The following PAPPA variants were observed in gnomAD, a reference collection of about 807,000 sequenced individuals.
The protein encoded by PAPPA is pappalysin 1.
Under a neutral mutation model 164.0 loss-of-function variants are expected in PAPPA, and 60 were observed. That is an observed-to-expected ratio of 0.37 (90% CI 0.30 to 0.45). The LOEUF is 0.45. Ranked by LOEUF, PAPPA falls within the 20% of genes least tolerant of loss-of-function variation. PAPPA has a pLI of 1.00. For missense variants in PAPPA, 1,782 were observed against 2,087.3 expected (o/e 0.85, Z 2.85); for synonymous variants, 875 against 814.1 (o/e 1.07, Z -1.27).
chr9:116,153,998 G>A lies in PAPPA; in HGVS notation c.-175G>A. 1.4e-6 allele frequency: 1 copy of A among 733,376 alleles called. No homozygotes were observed. The highest frequency in any genetic ancestry group is 3.3e-5 in the South Asian group (1 of 30,218). The allele number at this position is 733,376 out of a possible 1,614,324, so 45.4% of individuals were successfully genotyped here. On this transcript the variant is annotated 5_prime_UTR_variant, in exon 1 of 22. In the 5' UTR this introduces an upstream ATG that the reference lacks. Coordinates refer to ENST00000328252, the MANE Select transcript of PAPPA (RefSeq NM_002581.5). ...GCTGTATTTTTCAAAGGTGGGGAGA[G>A]TGGAGCACACACCTTGAGGAGGAAA...
Position 116,396,830 on chromosome 9 carries a change from A to G in PAPPA, c.*214A>G, listed in dbSNP as rs2118740708. 1.7e-6 allele frequency: 1 copy of G among 579,952 alleles called. No homozygotes were observed. Among genetic ancestry groups the G allele is most frequent in the Non-Finnish European group, 3.1e-6 (1 of 323,908 alleles). The allele number at this position is 579,952 out of a possible 1,614,324, so 35.9% of individuals were successfully genotyped here. On this transcript the variant is annotated 3_prime_UTR_variant, in exon 22 of 22. Transcript: ENST00000328252. The stretch of plus-strand genomic sequence containing the variant: ...GGATGATGAAATGGATTCCCATCCC[A>G]AAGTCTGAGATGGATTGCATATACA...
chr9:116,333,643 G>A (rs1846021745), intron 12 of PAPPA, among the ~76,000 whole-genome samples: 1 of 152,186 alleles, frequency 6.6e-6, no homozygotes, highest in Admixed American at 6.5e-5. Flanking sequence ...TTAAAGGCAA[G>A]GGGAACCTAT....
intron 4 of PAPPA, among the ~76,000 whole-genome samples, chr9:116,215,484 T>C (rs1462243323): frequency 6.6e-6 from 1 of 151,932 alleles, no homozygotes; most frequent in African/African-American, 2.4e-5. Flanking sequence ...AGCAAACTAA[T>C]GCAAGAATAG....
chr9:116,365,138 T>G (rs1846482764), intron 18 of PAPPA, among the ~76,000 whole-genome samples: 1 of 152,138 alleles, frequency 6.6e-6, no homozygotes, highest in Non-Finnish European at 1.5e-5. Flanking sequence ...GAGAATCCAC[T>G]TTGCCAAGGA....
chr9:116,348,175 C>G (rs1216240183), intron 15 of PAPPA, among the ~76,000 whole-genome samples: 1 of 151,800 alleles, frequency 6.6e-6, no homozygotes, highest in Non-Finnish European at 1.5e-5. Flanking sequence ...GGAAATATCT[C>G]TCTATTTCCA....
chr9:116,275,653 C>T (rs1043230883), intron 9 of PAPPA, among the ~76,000 whole-genome samples: 8 of 151,350 alleles, frequency 5.3e-5, no homozygotes, highest in Non-Finnish European at 1.0e-4. Context: ...TCCTCTCCTC[C>T]TCCTCTTCTT....
At chr9:116,361,060 T>C (rs895737800) in intron 17 of PAPPA, among the ~76,000 whole-genome samples, 2 of 152,262 alleles carry the variant, frequency 1.3e-5, no homozygotes. Context: ...CCTTCACAAA[T>C]GCAGGCAATT....
rs1469023240 is a variant in PAPPA at position 116,396,854 on chromosome 9, C to G, written c.*238C>G. 6 of 552,218 alleles carry G rather than the reference C, an allele frequency of 1.1e-5. No homozygotes were observed. Among genetic ancestry groups the G allele is most frequent in the African/African-American group, 5.7e-5 (3 of 53,062 alleles). The allele number at this position is 552,218 out of a possible 1,614,324, so 34.2% of individuals were successfully genotyped here. ...CAAAGTCTGAGATGGATTGCATATACAGTGTGCAGTCCCAGAGCCTCCTAA... is the reference window on the plus strand; with the variant it reads ...CAAAGTCTGAGATGGATTGCATATAGAGTGTGCAGTCCCAGAGCCTCCTAA... On this transcript the variant is annotated 3_prime_UTR_variant, in exon 22 of 22. Coordinates refer to ENST00000328252, the MANE Select transcript of PAPPA (RefSeq NM_002581.5).
intron 10 of PAPPA, among the ~76,000 whole-genome samples, chr9:116,321,509 G>T (rs1285721017): frequency 6.6e-6 from 1 of 152,156 alleles, no homozygotes; most frequent in Non-Finnish European, 1.5e-5. Context: ...TGTTGAGAAG[G>T]ATTTAGAGGC....
At chr9:116,362,407 A>C (rs2118628829) in intron 17 of PAPPA, among the ~76,000 whole-genome samples, 185 bp from the exon 18 acceptor site, 1 of 152,378 alleles carries the variant, frequency 6.6e-6, no homozygotes, top group East Asian at 1.9e-4. Flanking sequence ...CCCCATATGT[A>C]AAATGGAGAC....
chr9:116,219,809 G>A, intron 4 of PAPPA, 128 bp from the exon 5 acceptor site: 1 of 678,696 alleles, frequency 1.5e-6, no homozygotes, highest in Non-Finnish European at 2.5e-6. Context: ...AGCTGGAAGA[G>A]GCCAGCCCTG....
chr9:116,318,524 A>G (rs1166711382), intron 10 of PAPPA: 1 of 152,136 alleles, frequency 6.6e-6, no homozygotes, highest in Non-Finnish European at 1.5e-5. Flanking sequence ...CCCTGGGAGC[A>G]CCCAAACCAC....
intron 20 of PAPPA, among the ~76,000 whole-genome samples, chr9:116,378,772 G>GT (rs1198730434): frequency 1.3e-5 from 2 of 152,244 alleles, no homozygotes; most frequent in South Asian, 2.1e-4. Context: ...AAGACAAAAC[G>GT]TAAGCCCAGC....
chr9:116,170,442 G>T (rs571452116), intron 1 of PAPPA, among the ~76,000 whole-genome samples: 5 of 151,944 alleles, frequency 3.3e-5, no homozygotes, highest in Non-Finnish European at 5.9e-5. Flanking sequence ...TTTTAAATAG[G>T]CAAGTACACT....
intron 19 of PAPPA, among the ~76,000 whole-genome samples, chr9:116,372,996 A>T (rs185039453): frequency 6.6e-6 from 1 of 152,166 alleles, no homozygotes; most frequent in East Asian, 1.9e-4. Flanking sequence ...ACCCTCATAC[A>T]TGTCTTTTAA....
At chr9:116,256,298 A>G (rs919732231) in intron 7 of PAPPA, among the ~76,000 whole-genome samples, 1 of 152,056 alleles carries the variant, frequency 6.6e-6, no homozygotes, top group East Asian at 1.9e-4. Flanking sequence ...AAATAAAACT[A>G]GAAAGTACAA....
chr9:116,273,194 C>A (rs1486562159), intron 9 of PAPPA, among the ~76,000 whole-genome samples: 1 of 152,120 alleles, frequency 6.6e-6, no homozygotes, highest in Non-Finnish European at 1.5e-5. Flanking sequence ...GATGCTTGAG[C>A]CTTGACATTC....
intron 2 of PAPPA, among the ~76,000 whole-genome samples, chr9:116,198,054 A>T (rs1433104405): frequency 6.6e-6 from 1 of 152,236 alleles, no homozygotes; most frequent in African/African-American, 2.4e-5. Flanking sequence ...TGATTTAAGC[A>T]TAAGACAAAT....
Position 116,277,001 on chromosome 9 carries a change from C to T in PAPPA, c.2953+5585C>T, listed in dbSNP as rs776579495. ...GAGAAAGGAAAACAAGAAGATGAATCGCCACGTCTTCTTGGTGGAGGTTCC... is the reference window on the plus strand; with the variant it reads ...GAGAAAGGAAAACAAGAAGATGAATTGCCACGTCTTCTTGGTGGAGGTTCC... On this transcript the variant is annotated intron_variant, in intron 9 of 21. Transcript: ENST00000328252. 2.1e-4 allele frequency among the ~76,000 whole-genome samples: 32 copies of T among 151,758 alleles called. No homozygotes were observed. The Middle Eastern group carries it at 0.01, about 48-fold the overall frequency.
Sources: allele counts gnomAD v4.1 joint callset (sites outside exome capture counted in the v4.1 genomes callset), GRCh38; gene constraint gnomAD v4.1.1; transcripts MANE v1.5; gene names NCBI Gene and HGNC (gene_info 2026-07-23, HGNC 2026-07-21).